Variants in MTERF3 observed in about 807,000 individuals in gnomAD.
MTERF3 encodes the protein transcription termination factor 3, mitochondrial.
In MTERF3, 40 loss-of-function variants were observed where a neutral mutation model predicts 40.5. The ratio of observed to expected loss-of-function variants is 0.99; its 90% CI spans 0.77 to 1.29. The LOEUF (loss-of-function observed/expected upper bound fraction) is 1.29. MTERF3 is among the 50% of genes most tolerant of loss of function. The pLI, the probability that MTERF3 is intolerant of heterozygous loss-of-function variation, is 0.00. For synonymous variants in MTERF3, 158 were observed against 166.6 expected (o/e 0.95, Z 0.40); for missense variants, 452 against 478.2 (o/e 0.95, Z 0.51).
chr8:96,253,013 A>G (rs1055381964), intron 3 of MTERF3, among the ~76,000 whole-genome samples: 38 of 152,236 alleles, frequency 2.5e-4, no homozygotes, highest in African/African-American at 8.9e-4. Flanking sequence ...GTTATAAAAA[A>G]AGAATAATAC....
chr8:96,258,711 A>G lies in MTERF3; in HGVS notation c.-10-11T>C, dbSNP rs772290226. The G allele has an allele frequency of 3.9e-6, 6 of 1,539,884 alleles. No individual in the cohort carries two copies. Among genetic ancestry groups the G allele is most frequent in the South Asian group, 3.6e-5 (3 of 83,174 alleles). ...GCCATTTTTCTTAGTCTACAAAGGA[A>G]AGATATAACCGTCAAAAGAAGAGAA... is the stretch of plus-strand genomic sequence containing the variant. On this transcript the variant is annotated splice_polypyrimidine_tract_variant and intron_variant, in intron 1 of 7. Transcript: ENST00000287025.
At chr8:96,256,649 G>A (rs989579833) in intron 3 of MTERF3, among the ~76,000 whole-genome samples, 3 of 152,104 alleles carry the variant, frequency 2.0e-5, no homozygotes, top group African/African-American at 7.2e-5. Flanking sequence ...AAGTACATGT[G>A]TACATACAAG....
Position 96,239,617 on chromosome 8 carries a change from C to T in MTERF3, c.1128G>A (p.Gln376=). 2 of 1,612,134 alleles carry T rather than the reference C, an allele frequency of 1.2e-6. No individual in the cohort carries two copies. Among genetic ancestry groups the T allele is most frequent in the Non-Finnish European group, 8.5e-7 (1 of 1,179,596 alleles). Reference sequence around the variant, plus strand: ...TGTAGTTAGGTTTTGCTGGATCATACTGTGCTCTTCCTAAATAGGTAAGAA... The same window carrying T: ...TGTAGTTAGGTTTTGCTGGATCATATTGTGCTCTTCCTAAATAGGTAAGAA... ...HLFLTYLGRA[Q]YDPAKPNYIS... The change falls in exon 8 of 8, where the codon CAG becomes CAA. Residue 376 remains glutamine (Q), a synonymous_variant. Transcript: ENST00000287025.
At position 96,258,491 on chromosome 8, in the gene MTERF3, C is replaced by A; in HGVS notation, c.200G>T (p.Trp67Leu). ...GFKTYRTSSLWNSSQSTSSSS... is the reference protein window; with the variant it reads ...GFKTYRTSSLLNSSQSTSSSS... Reference sequence around the variant, plus strand: ...TGAGCTAGTAGACTGGGAACTATTCCATAAGGAGGAAGTCCTGTAAGTCTT... The same window carrying A: ...TGAGCTAGTAGACTGGGAACTATTCAATAAGGAGGAAGTCCTGTAAGTCTT... The change falls in exon 2 of 8, where the codon TGG becomes TTG. Residue 67 changes from tryptophan to leucine, a missense_variant. By Grantham distance (61) the Trp-to-Leu change is moderately conservative. Coordinates refer to ENST00000287025, the MANE Select transcript of MTERF3 (RefSeq NM_015942.5). 6.2e-7 allele frequency: 1 copy of A among 1,614,108 alleles called. No individual in the cohort carries two copies. The highest frequency in any genetic ancestry group is 8.5e-7 in the Non-Finnish European group (1 of 1,179,982).
At chr8:96,259,904 A>T (rs1365728937) in intron 1 of MTERF3, among the ~76,000 whole-genome samples, 194 of 151,044 alleles carry the variant, frequency 1.3e-3, no homozygotes, top group African/African-American at 4.5e-3. Context: ...TATTATTATT[A>T]TTATTATTAT....
intron 4 of MTERF3, among the ~76,000 whole-genome samples, chr8:96,250,267 A>C (rs930959092): frequency 3.3e-5 from 5 of 151,972 alleles, no homozygotes; most frequent in African/African-American, 1.2e-4. Context: ...CAAAAACTAC[A>C]AAAACCACAA....
At chr8:96,239,771 G>T in intron 7 of MTERF3, 86 bp from the exon 8 acceptor site, 2 of 920,456 alleles carry the variant, frequency 2.2e-6, no homozygotes, top group Non-Finnish European at 1.7e-6. Flanking sequence ...ATTTTAATAG[G>T]TTAACCAATA....
At chr8:96,252,163 T>C (rs1810197493) in intron 3 of MTERF3, among the ~76,000 whole-genome samples, 1 of 152,218 alleles carries the variant, frequency 6.6e-6, no homozygotes, top group Non-Finnish European at 1.5e-5. Context: ...CCATTAAACC[T>C]CTTCCTTTTG....
At chr8:96,251,156 T>C (rs1242678698) in intron 3 of MTERF3, 61 bp from the exon 4 acceptor site, 6 of 1,357,232 alleles carry the variant, frequency 4.4e-6, no homozygotes, top group South Asian at 1.5e-5. Context: ...TAAACTCATA[T>C]ACATAAGCAC....
intron 6 of MTERF3, 23 bp from the exon 7 acceptor site, chr8:96,244,103 T>A: frequency 6.3e-7 from 1 of 1,595,816 alleles, no homozygotes; most frequent in Non-Finnish European, 8.6e-7. Context: ...AAATTTGCTA[T>A]GAATCGTTAT....
At chr8:96,239,958 G>C (rs1310436647) in intron 7 of MTERF3, 1 of 603,696 alleles carries the variant, frequency 1.7e-6, no homozygotes, top group Non-Finnish European at 2.9e-6. Context: ...AGAGGAGAAT[G>C]TGTTAAAAAA....
chr8:96,250,873 T>C, intron 4 of MTERF3, 33 bp downstream of exon 4: 3 of 1,555,006 alleles, frequency 1.9e-6, no homozygotes, highest in Non-Finnish European at 2.6e-6. Context: ...AACCACTTCT[T>C]AGGTTATATG....
intron 3 of MTERF3, among the ~76,000 whole-genome samples, chr8:96,252,967 G>A (rs1354599248): frequency 6.6e-6 from 1 of 152,172 alleles, no homozygotes; most frequent in Non-Finnish European, 1.5e-5. Flanking sequence ...TTCCCTGAAT[G>A]CCCACTATGG....
At chr8:96,243,115 A>T (rs1030082673) in intron 7 of MTERF3, among the ~76,000 whole-genome samples, 7 of 152,216 alleles carry the variant, frequency 4.6e-5, no homozygotes, top group Non-Finnish European at 1.0e-4. Flanking sequence ...AACTGGACCT[A>T]ATGCAGTCTA....
At chr8:96,245,210 A>G (rs1809999525) in intron 6 of MTERF3, among the ~76,000 whole-genome samples, 1 of 152,146 alleles carries the variant, frequency 6.6e-6, no homozygotes, top group South Asian at 2.1e-4. Context: ...GAGCTCAATA[A>G]AAAGATTTCT....
chr8:96,247,725 C>T (rs6468495), intron 4 of MTERF3, among the ~76,000 whole-genome samples: 1 of 151,888 alleles, frequency 6.6e-6, no homozygotes, highest in South Asian at 2.1e-4. Context: ...AATATTTATA[C>T]GTTTAAGTAT....
At chr8:96,248,150 T>A (rs898517568) in intron 4 of MTERF3, among the ~76,000 whole-genome samples, 3 of 152,212 alleles carry the variant, frequency 2.0e-5, no homozygotes, top group Non-Finnish European at 4.4e-5. Context: ...ACAACCCCTA[T>A]GAAGGACAAT....
rs895283950 is a variant in MTERF3, at chr8:96,258,233, G to C, written c.334+124C>G. On this transcript the variant is annotated intron_variant, in intron 2 of 7. Coordinates refer to ENST00000287025, the MANE Select transcript of MTERF3 (RefSeq NM_015942.5). ...TGATAGAAGTTCATCAATAGAACTG[G>C]TATTATTCTTTTTCTTTCTTGGCAC... 2.1e-6 allele frequency: 3 copies of C among 1,420,676 alleles called. No homozygotes were observed. In the Admixed American group the frequency reaches 8.6e-5, roughly 41 times the overall value. 88.0% of individuals were successfully genotyped at this position (1,420,676 alleles called of 1,614,324 possible).
intron 4 of MTERF3, 41 bp from the exon 5 acceptor site, chr8:96,246,495 C>T: frequency 6.6e-7 from 1 of 1,509,804 alleles, no homozygotes; most frequent in Non-Finnish European, 8.9e-7. Context: ...TAAACACTTA[C>T]ATTCTTTTTT....
Sources: allele counts gnomAD v4.1 joint callset (sites outside exome capture counted in the v4.1 genomes callset), GRCh38; gene constraint gnomAD v4.1.1; transcripts MANE v1.5; gene names NCBI Gene and HGNC (gene_info 2026-07-23, HGNC 2026-07-21).